Variants in C1orf52 observed in about 807,000 individuals in gnomAD.
C1orf52 encodes the protein UPF0690 protein C1orf52.
In C1orf52, 5 loss-of-function variants were observed where a neutral mutation model predicts 17.2. That is an observed-to-expected ratio of 0.29 (90% CI 0.15 to 0.61). C1orf52 has a LOEUF of 0.61. C1orf52 is among the 20% of genes least tolerant of loss of function. The pLI, the probability that C1orf52 is intolerant of heterozygous loss-of-function variation, is 0.85. For missense variants in C1orf52, 245 were observed against 234.1 expected, an observed-to-expected ratio of 1.05 and a Z score of -0.30; for synonymous variants, 110 against 88.0, an observed-to-expected ratio of 1.25 and a Z score of -1.40.
Position 85,250,400 on chromosome 1 carries a change from G to C in C1orf52, c.*2229C>G, listed in dbSNP as rs1472922074. The C allele has an allele frequency of 6.6e-6, 1 of 152,156 alleles. No individual in the cohort carries two copies. The highest frequency in any genetic ancestry group is 1.5e-5 in the Non-Finnish European group (1 of 68,044). The allele number at this position is 152,156 out of a possible 1,614,324, so 9.4% of individuals were successfully genotyped here. On this transcript the variant is annotated 3_prime_UTR_variant, in exon 3 of 3. Coordinates refer to ENST00000471115, the MANE Select transcript of C1orf52 (RefSeq NM_198077.4). ...GGATTTTTAAGACTTTTCCCCACTA[G>C]GTTTCCACTAGCTCAACCAAACTTC... is the stretch of plus-strand genomic sequence containing the variant.
rs1436899816 is a variant in C1orf52, at chr1:85,259,428, G to A, written c.206C>T (p.Pro69Leu). ...GTTGAGCGGATTGTAGAGAAAGGCC[G>A]GGCGAGTCACGCTCCTAAACAGCTC... is the stretch of plus-strand genomic sequence containing the variant. ...PDELFRSVTR[P>L]AFLYNPLNKQ... is the part of the protein sequence containing the mutation. Residue 69 changes from proline to leucine, a missense_variant, in exon 1 of 3, where the codon CCG becomes CTG. By Grantham distance (98) the Pro-to-Leu change is moderately conservative (BLOSUM62 -3). Transcript: ENST00000471115. 8 of 1,614,024 alleles carry A rather than the reference G, an allele frequency of 5.0e-6. No homozygotes were observed. The highest frequency in any genetic ancestry group is 6.8e-6 in the Non-Finnish European group (8 of 1,180,008).
rs1308721597 is a variant in C1orf52, at chr1:85,252,593, C to T, written c.*36G>A. 3.9e-6 allele frequency: 6 copies of T among 1,544,334 alleles called. No homozygotes were observed. In the African/African-American group the frequency reaches 5.4e-5, roughly 14 times the overall value. On this transcript the variant is annotated 3_prime_UTR_variant, in exon 3 of 3. Transcript: ENST00000471115. ...TAATCTGTCCAAAGAAACATTTCAA[C>T]AAGTTTAGCAGTACAGAAATTCTGG...
intron 1 of C1orf52, 94 bp downstream of exon 1, chr1:85,259,264 G>T: frequency 6.9e-7 from 1 of 1,449,386 alleles, no homozygotes; most frequent in Non-Finnish European, 9.4e-7. Context: ...GTGACTGCGT[G>T]TGGGGGGATG....
At chr1:85,257,830 A>G (rs1381222465) in intron 2 of C1orf52, among the ~76,000 whole-genome samples, 2 of 152,166 alleles carry the variant, frequency 1.3e-5, no homozygotes, top group East Asian at 3.9e-4. Flanking sequence ...TTCGGCCGGG[A>G]GCGGTGGCTC....
Position 85,257,493 on chromosome 1 carries a change from T to C in C1orf52, c.475+1031A>G, listed in dbSNP as rs760316030. 4.2e-6 allele frequency: 3 copies of C among 717,252 alleles called. No individual in the cohort carries two copies. The South Asian group carries it at 4.4e-5, about 11-fold the overall frequency. 44.4% of individuals were successfully genotyped at this position (717,252 alleles called of 1,614,324 possible). ...AGTGCTAGAAAGGGGCCATTAAAAA[T>C]GACTGTGGACAGGGAGAAAGGGCCT... On this transcript the variant is annotated intron_variant, in intron 2 of 2. Coordinates refer to ENST00000471115, the MANE Select transcript of C1orf52 (RefSeq NM_198077.4).
chr1:85,252,706 T>C lies in C1orf52; in HGVS notation c.476-4A>G. On this transcript the variant is annotated splice_region_variant and splice_polypyrimidine_tract_variant and intron_variant, in intron 2 of 2. Coordinates refer to ENST00000471115, the MANE Select transcript of C1orf52 (RefSeq NM_198077.4). ...GTATGCTCATCTTTTTCATCATCTT[T>C]AAATAGAAAAGGAAGAGTTTCAATC... The C allele has an allele frequency of 1.2e-6, 2 of 1,605,522 alleles. No individual in the cohort carries two copies. Among genetic ancestry groups the C allele is most frequent in the Non-Finnish European group, 1.7e-6 (2 of 1,173,550 alleles).
chr1:85,258,868 T>G, intron 1 of C1orf52, 146 bp from the exon 2 acceptor site: 1 of 1,426,904 alleles, frequency 7.0e-7, no homozygotes, highest in Middle Eastern at 2.6e-4. Flanking sequence ...TCCATCAAAA[T>G]CACAATACTG....
chr1:85,256,018 G>T (rs895544533), intron 2 of C1orf52, among the ~76,000 whole-genome samples: 7 of 152,114 alleles, frequency 4.6e-5, no homozygotes, highest in African/African-American at 1.4e-4. Context: ...TATAATCCTG[G>T]TTTTTTCCAT....
In C1orf52 at chr1:85,258,633, A is replaced by C. The variant is rs150521338; in HGVS notation, c.366T>G (p.Leu122=). The change falls in exon 2 of 3, where the codon CTT becomes CTG. Residue 122 remains leucine (L), a synonymous_variant. Transcript: ENST00000471115. ...TTEKKPPPPE[L]DMAIKWSNIY... Reference sequence around the variant, plus strand: ...TGTTAGACCATTTTATTGCCATGTCAAGCTCTGGAGGCGGAGGCTTCTTCT... The same window carrying C: ...TGTTAGACCATTTTATTGCCATGTCCAGCTCTGGAGGCGGAGGCTTCTTCT... The C allele has an allele frequency of 1.8e-4, 287 of 1,613,788 alleles. No homozygotes were observed. The highest frequency in any genetic ancestry group is 2.3e-4 in the Non-Finnish European group (268 of 1,179,940).
rs1472922074 is a variant in C1orf52, at chr1:85,250,400, G to A, written c.*2229C>T. Reference sequence around the variant, plus strand: ...GGATTTTTAAGACTTTTCCCCACTAGGTTTCCACTAGCTCAACCAAACTTC... The same window carrying A: ...GGATTTTTAAGACTTTTCCCCACTAAGTTTCCACTAGCTCAACCAAACTTC... On this transcript the variant is annotated 3_prime_UTR_variant, in exon 3 of 3. Transcript: ENST00000471115. The A allele has an allele frequency of 1.3e-5, 2 of 152,156 alleles. No individual in the cohort carries two copies. Among genetic ancestry groups the A allele is most frequent in the Admixed American group, 1.3e-4 (2 of 15,268 alleles). 9.4% of individuals were successfully genotyped at this position (152,156 alleles called of 1,614,324 possible).
At chr1:85,255,664 C>T (rs1300590975) in intron 2 of C1orf52, among the ~76,000 whole-genome samples, 1 of 151,932 alleles carries the variant, frequency 6.6e-6, no homozygotes, top group Non-Finnish European at 1.5e-5. Context: ...CAATAAAAGG[C>T]CAAAGGGCAG....
chr1:85,255,278 G>A (rs1659906919), intron 2 of C1orf52, among the ~76,000 whole-genome samples: 1 of 152,116 alleles, frequency 6.6e-6, no homozygotes, highest in Admixed American at 6.5e-5. Flanking sequence ...GTGGCAGGGT[G>A]CGGTGGCTCA....
At position 85,251,881 on chromosome 1, in the gene C1orf52, T is replaced by C. The variant is rs914569071; in HGVS notation, c.*748A>G. On this transcript the variant is annotated 3_prime_UTR_variant, in exon 3 of 3. Transcript: ENST00000471115. ...GTCATTCCTGAAAGATGACTAAATTTTGACTGGTGGACAGGTGGTTTAATG... is the reference window on the plus strand; with the variant it reads ...GTCATTCCTGAAAGATGACTAAATTCTGACTGGTGGACAGGTGGTTTAATG... The C allele has an allele frequency of 6.6e-6, 1 of 152,158 alleles. No homozygotes were observed. Among genetic ancestry groups the C allele is most frequent in the African/African-American group, 2.4e-5 (1 of 41,440 alleles). The allele number at this position is 152,158 out of a possible 1,614,324, so 9.4% of individuals were successfully genotyped here. A position where few individuals can be genotyped will look rare whatever the true frequency, so the allele number is the denominator to read the frequency against.
At chr1:85,259,292 A>C in intron 1 of C1orf52, 66 bp downstream of exon 1, 1 of 1,492,768 alleles carries the variant, frequency 6.7e-7, no homozygotes, top group Non-Finnish European at 9.0e-7. Flanking sequence ...GGTCCCCAGC[A>C]GGGGGCTCAG....
Position 85,259,660 on chromosome 1 carries a change from T to C in C1orf52, c.-27A>G. On this transcript the variant is annotated 5_prime_UTR_variant, in exon 1 of 3. Transcript: ENST00000471115. ...ACGGCTGCGAGCGACAACCCAGCAC[T>C]CCGCCGGAAGCCGGAAACCGGAAAC... The C allele has an allele frequency of 6.7e-7, 1 of 1,489,990 alleles. No homozygotes were observed. The highest frequency in any genetic ancestry group is 9.0e-7 in the Non-Finnish European group (1 of 1,116,908). The allele number at this position is 1,489,990 out of a possible 1,614,324, so 92.3% of individuals were successfully genotyped here.
intron 2 of C1orf52, among the ~76,000 whole-genome samples, chr1:85,254,673 G>A (rs1659884079): frequency 6.6e-6 from 1 of 152,148 alleles, no homozygotes; most frequent in Admixed American, 6.5e-5. Flanking sequence ...TTACAGGCGT[G>A]AGCCACCGCA....
chr1:85,259,147 C>G (rs977507831), intron 1 of C1orf52: 1 of 1,197,140 alleles, frequency 8.4e-7, no homozygotes, highest in Admixed American at 3.0e-5. Flanking sequence ...TGGGTCTCCT[C>G]ACAAGGGGCG....
chr1:85,254,117 G>A (rs1659867949), intron 2 of C1orf52, among the ~76,000 whole-genome samples: 1 of 152,132 alleles, frequency 6.6e-6, no homozygotes, highest in South Asian at 2.1e-4. Flanking sequence ...CCCTTCTGCT[G>A]ACTGTACCAT....
At position 85,259,637 on chromosome 1, in the gene C1orf52, G is replaced by T. The variant is rs76256652; in HGVS notation, c.-4C>A. On this transcript the variant is annotated 5_prime_UTR_variant, in exon 1 of 3. Coordinates refer to ENST00000471115, the MANE Select transcript of C1orf52 (RefSeq NM_198077.4). ...GGTCCTTCTCCTCCGCTGCCATGAC[G>T]GCTGCGAGCGACAACCCAGCACTCC... 5.8e-6 allele frequency: 9 copies of T among 1,540,962 alleles called. No individual in the cohort carries two copies. Among genetic ancestry groups the T allele is most frequent in the African/African-American group, 4.2e-5 (3 of 72,196 alleles).
Sources: gnomAD v4.1 joint callset for allele counts (sites outside exome capture counted in the v4.1 genomes callset) on GRCh38, gnomAD v4.1.1 for gene constraint, MANE v1.5 for transcripts, NCBI Gene and HGNC (gene_info 2026-07-23, HGNC 2026-07-21) for gene names.